Variants in ITGAM observed in about 807,000 individuals in gnomAD.
ITGAM encodes the protein integrin subunit alpha M, also known as integrin alpha-M.
ITGAM carries 79 observed loss-of-function variants against 137.5 expected under a neutral mutation model. The observed-to-expected ratio is 0.57, with a 90% CI of 0.48 to 0.69. The LOEUF (loss-of-function observed/expected upper bound fraction) is 0.69. Ranked by LOEUF, ITGAM falls within the 30% of genes least tolerant of loss-of-function variation. The pLI is 0.00. For missense variants in ITGAM, 1,343 were observed against 1,483.5 expected (o/e 0.91, Z 1.56); for synonymous variants, 583 against 592.3 (o/e 0.98, Z 0.23).
chr16:31,327,735 T>C (rs2080523363), intron 22 of ITGAM, among the ~76,000 whole-genome samples: 1 of 151,782 alleles, frequency 6.6e-6, no homozygotes, highest in Admixed American at 6.6e-5. Context: ...GATCAGGGTG[T>C]GTTTAAGAGT....
intron 14 of ITGAM, among the ~76,000 whole-genome samples, chr16:31,302,485 T>TTC (rs2080216157): frequency 3.3e-5 from 3 of 91,850 alleles, no homozygotes; most frequent in African/African-American, 9.5e-5. Flanking sequence ...CTTTCTTTCT[T>TTC]TTTTCTTTCC....
chr16:31,299,494 A>G (rs1265908860), intron 14 of ITGAM, among the ~76,000 whole-genome samples: 1 of 151,882 alleles, frequency 6.6e-6, no homozygotes, highest in African/African-American at 2.4e-5. Context: ...TTTTTTGTAG[A>G]GACTGGGTTT....
At chr16:31,270,699 G>GTGTATA (rs1477833816) in intron 5 of ITGAM, among the ~76,000 whole-genome samples, 1,226 of 25,636 alleles carry the variant, frequency 0.048, 59 homozygotes, top group Middle Eastern at 0.077. Context: ...GTGTGTGTGT[G>GTGTATA]TATATATATA....
rs748004190 is a variant in ITGAM at position 31,260,126 on chromosome 16, G to A, written c.28+34G>A. On this transcript the variant is annotated intron_variant, in intron 1 of 29. Transcript: ENST00000544665. Reference sequence around the variant, plus strand: ...GGGTGGGGTGGGGGACTCTGGGTGGGGAGGAGGGTAACTTTTGGGTCTGTC... The same window carrying A: ...GGGTGGGGTGGGGGACTCTGGGTGGAGAGGAGGGTAACTTTTGGGTCTGTC... 3.5e-6 allele frequency: 5 copies of A among 1,410,968 alleles called. No homozygotes were observed. The South Asian group carries it at 6.2e-5, about 17-fold the overall frequency. The allele number at this position is 1,410,968 out of a possible 1,614,324, so 87.4% of individuals were successfully genotyped here.
intron 12 of ITGAM, among the ~76,000 whole-genome samples, chr16:31,296,772 A>C (rs1290173990): frequency 1.3e-5 from 2 of 152,208 alleles, no homozygotes; most frequent in African/African-American, 2.4e-5. Flanking sequence ...TGTGCTTAGC[A>C]ATAAGAAACA....
chr16:31,298,204 C>CAAAAAA (rs61202942), intron 14 of ITGAM, among the ~76,000 whole-genome samples: 2 of 77,824 alleles, frequency 2.6e-5, no homozygotes, highest in African/African-American at 5.1e-5. Context: ...CCCATCTCTC[C>CAAAAAA]AAAAAAAAAA....
chr16:31,305,695 G>T (rs553282195), intron 14 of ITGAM, among the ~76,000 whole-genome samples: 2 of 152,114 alleles, frequency 1.3e-5, no homozygotes, highest in South Asian at 4.2e-4. Context: ...TTTATCAAAT[G>T]CTTGTTCTGC....
At chr16:31,303,715 C>G (rs933940686) in intron 14 of ITGAM, among the ~76,000 whole-genome samples, 2 of 152,136 alleles carry the variant, frequency 1.3e-5, no homozygotes, top group African/African-American at 4.8e-5. Flanking sequence ...GTTTTCCATT[C>G]CTGTGTTACT....
chr16:31,307,265 C>T (rs2080274368), intron 14 of ITGAM, among the ~76,000 whole-genome samples: 2 of 152,150 alleles, frequency 1.3e-5, no homozygotes. Flanking sequence ...AATATTGATT[C>T]TTCCTACCCA....
chr16:31,321,151 A>G, intron 14 of ITGAM, 90 bp from the exon 15 acceptor site: 2 of 1,430,546 alleles, frequency 1.4e-6, no homozygotes, highest in Non-Finnish European at 1.9e-6. Flanking sequence ...AGCTTAGAGA[A>G]CCTCTGTCTG....
In ITGAM at chr16:31,276,145, A is replaced by T. The variant is rs569656862; in HGVS notation, c.1009+446A>T. ...ATGGCTTATCTTGAAAAGCTGGAAG[A>T]TTAGACACCTTGAAGACCGCATTCC... On this transcript the variant is annotated intron_variant, in intron 9 of 29. Coordinates refer to ENST00000544665, the MANE Select transcript of ITGAM (RefSeq NM_000632.4). Among the ~76,000 whole-genome samples, 7 of 152,282 alleles carry T rather than the reference A, an allele frequency of 4.6e-5. No individual in the cohort carries two copies. In the South Asian group the frequency reaches 1.4e-3, roughly 32 times the overall value.
At chr16:31,280,378 G>A (rs574704577) in intron 12 of ITGAM, among the ~76,000 whole-genome samples, 2 of 152,300 alleles carry the variant, frequency 1.3e-5, no homozygotes, top group East Asian at 3.9e-4. Context: ...AGCATGGAAT[G>A]TTCTTCAATT....
At chr16:31,274,608 TTA>T (rs112132842) in intron 8 of ITGAM, among the ~76,000 whole-genome samples, 2,144 of 115,570 alleles carry the variant, frequency 0.019, 51 homozygotes, top group African/African-American at 0.096. Context: ...TTTTATTTAT[TTA>T]TATTTATTTA....
At chr16:31,322,911 G>C (rs2080464892) in intron 16 of ITGAM, among the ~76,000 whole-genome samples, 1 of 152,076 alleles carries the variant, frequency 6.6e-6, no homozygotes, top group Non-Finnish European at 1.5e-5. Context: ...TCATTTGAAA[G>C]TATCTGGATA....
chr16:31,328,064 G>C, intron 22 of ITGAM, 83 bp from the exon 23 acceptor site: 1 of 1,037,994 alleles, frequency 9.6e-7, no homozygotes, highest in Non-Finnish European at 1.5e-6. Flanking sequence ...TGGCTGATTG[G>C]AGGCAGGGAG....
In ITGAM at chr16:31,271,009, C is replaced by T; in HGVS notation, c.483C>T (p.Ile161=). Residue 161 remains isoleucine, a synonymous_variant, in exon 6 of 30, where the codon ATC becomes ATT. Transcript: ENST00000544665. ...IAFLIDGSGS[I]IPHDFRRMKE... is the part of the protein sequence containing the mutation. ...TCTTGATTGATGGCTCTGGTAGCAT[C>T]ATCCCACATGACTTTCGGCGGATGA... 6.3e-7 allele frequency: 1 copy of T among 1,592,300 alleles called. No homozygotes were observed. The highest frequency in any genetic ancestry group is 8.6e-7 in the Non-Finnish European group (1 of 1,167,002).
In ITGAM at chr16:31,330,267, T is replaced by C. The variant is rs1378955297; in HGVS notation, c.3061-41T>C. ...AAACGGGGAGGGGTGTTCTCTGCCT[T>C]CGGCTTCCTTACCCGTCCCCTCCCC... is the stretch of plus-strand genomic sequence containing the variant. On this transcript the variant is annotated intron_variant, in intron 26 of 29. Coordinates refer to ENST00000544665, the MANE Select transcript of ITGAM (RefSeq NM_000632.4). 4.4e-6 allele frequency: 7 copies of C among 1,591,690 alleles called. No homozygotes were observed. In the South Asian group the frequency reaches 7.7e-5, roughly 18 times the overall value.
chr16:31,262,924 A>G (rs73532283), intron 2 of ITGAM, among the ~76,000 whole-genome samples: 5,151 of 152,168 alleles, frequency 0.034, 267 homozygotes, highest in African/African-American at 0.12. Context: ...ATTGCATGCC[A>G]TAATTGGGAG....
chr16:31,327,579 G>A (rs963684921), intron 22 of ITGAM, among the ~76,000 whole-genome samples: 7 of 151,262 alleles, frequency 4.6e-5, no homozygotes, highest in East Asian at 1.9e-4. Flanking sequence ...GGGCAATAGA[G>A]TGAGACCCAG....
Sources: allele counts gnomAD v4.1 joint callset (sites outside exome capture counted in the v4.1 genomes callset), GRCh38; gene constraint gnomAD v4.1.1; transcripts MANE v1.5; gene names NCBI Gene and HGNC (gene_info 2026-07-23, HGNC 2026-07-21).